Variants in SLC6A5 observed in about 807,000 individuals in gnomAD.
SLC6A5 encodes the protein sodium- and chloride-dependent glycine transporter 2.
Under a neutral mutation model 90.5 loss-of-function variants are expected in SLC6A5, and 58 were observed. The ratio of observed to expected loss-of-function variants is 0.64; its 90% CI spans 0.52 to 0.80. The LOEUF (loss-of-function observed/expected upper bound fraction) is 0.80, where lower values mean the gene tolerates loss of function less well. Among genes scored for constraint, SLC6A5 ranks in the 30% least tolerant of loss-of-function variants. The pLI, the probability that SLC6A5 is intolerant of heterozygous loss-of-function variation, is 0.00. For synonymous variants in SLC6A5, 427 were observed against 401.4 expected, an observed-to-expected ratio of 1.06 and a Z score of -0.76; for missense variants, 1,015 against 1,017.6, an observed-to-expected ratio of 1.00 and a Z score of 0.03.
chr11:20,618,270 G>T (rs1852821810), intron 7 of SLC6A5, among the ~76,000 whole-genome samples: 1 of 152,104 alleles, frequency 6.6e-6, no homozygotes, highest in African/African-American at 2.4e-5. Flanking sequence ...TGGTCTGGCT[G>T]CCAAGTTAGC....
Position 20,607,027 on chromosome 11 carries a change from C to G in SLC6A5, c.700C>G (p.Leu234Val), listed in dbSNP as rs748008761. The G allele has an allele frequency of 1.2e-6, 2 of 1,614,136 alleles. No individual in the cohort carries two copies. Among genetic ancestry groups the G allele is most frequent in the East Asian group, 4.5e-5 (2 of 44,844 alleles). ...CCAAGGTGCTTTCCTCATCCCTTAC[C>G]TGATGATGCTGGCTCTGGCTGGATT... Reference protein sequence around the residue: ...NGGGAFLIPYLMMLALAGLPI... With the variant: ...NGGGAFLIPYVMMLALAGLPI... The change falls in exon 4 of 16, where the codon CTG becomes GTG. Residue 234 changes from leucine (L) to valine (V), a missense_variant. Physicochemically the swap from Leu to Val is conservative, Grantham distance 32. Around this residue, in one of 3 missense-constraint regions of SLC6A5, gnomAD observed 567 missense variants for 507.3 expected, o/e 1.12. Coordinates refer to ENST00000525748, the MANE Select transcript of SLC6A5 (RefSeq NM_004211.5).
chr11:20,645,581 C>T (rs1822015633), intron 13 of SLC6A5, among the ~76,000 whole-genome samples: 1 of 150,968 alleles, frequency 6.6e-6, no homozygotes, highest in Non-Finnish European at 1.5e-5. Context: ...TCCCTCTTGA[C>T]CTGCAGGTAC....
chr11:20,626,494 G>A (rs557745162), intron 7 of SLC6A5, among the ~76,000 whole-genome samples: 100 of 152,202 alleles, frequency 6.6e-4, no homozygotes, highest in African/African-American at 2.3e-3. Context: ...ACAGCCTTGG[G>A]TCTCTCCTAA....
chr11:20,600,619 C>G (rs751442207), intron 1 of SLC6A5, among the ~76,000 whole-genome samples: 2 of 152,154 alleles, frequency 1.3e-5, no homozygotes, highest in Non-Finnish European at 2.9e-5. Flanking sequence ...GGTTGTGGAG[C>G]GCTGGGACTC....
chr11:20,618,389 A>G (rs1287429687), intron 7 of SLC6A5, among the ~76,000 whole-genome samples: 1 of 152,002 alleles, frequency 6.6e-6, no homozygotes, highest in African/African-American at 2.4e-5. Context: ...TTTCAACTCT[A>G]AGCTTGACAC....
chr11:20,605,781 C>G (rs758451351), intron 3 of SLC6A5, among the ~76,000 whole-genome samples: 2 of 152,238 alleles, frequency 1.3e-5, no homozygotes, highest in South Asian at 4.1e-4. Flanking sequence ...CACTGCGGCT[C>G]GAGGCCCCTC....
In SLC6A5 at chr11:20,601,504, G is replaced by C. The variant is rs766298578; in HGVS notation, c.379G>C (p.Gly127Arg). The C allele has an allele frequency of 6.2e-7, 1 of 1,613,992 alleles. No individual in the cohort carries two copies. The highest frequency in any genetic ancestry group is 1.1e-5 in the South Asian group (1 of 91,052). Residue 127 changes from glycine (G) to arginine (R), a missense_variant, in exon 2 of 16, where the codon GGC becomes CGC. Gly to Arg is a moderately radical substitution (Grantham distance 125, BLOSUM62 -2). Transcript: ENST00000525748. ...ALHCKIPFLR[G>R]PEGDANVSVG... Reference sequence around the variant, plus strand: ...GCACTGTAAGATCCCTTTTCTGCGAGGCCCGGAGGGGGATGCGAACGTGAG... The same window carrying C: ...GCACTGTAAGATCCCTTTTCTGCGACGCCCGGAGGGGGATGCGAACGTGAG...
chr11:20,618,128 G>C (rs1707506213), intron 7 of SLC6A5, among the ~76,000 whole-genome samples: 1 of 88 alleles, frequency 0.011, no homozygotes, highest in African/African-American at 0.028. Context: ...AGGGATGGTG[G>C]GGGGTACTCT....
intron 15 of SLC6A5, among the ~76,000 whole-genome samples, chr11:20,653,763 A>T (rs1853583762): frequency 6.6e-6 from 1 of 152,298 alleles, no homozygotes; most frequent in Non-Finnish European, 1.5e-5. Flanking sequence ...CTTCTGCCGC[A>T]CATAAGCCTC....
At chr11:20,631,604 T>C (rs1306922390) in intron 10 of SLC6A5, among the ~76,000 whole-genome samples, 5 of 152,208 alleles carry the variant, frequency 3.3e-5, no homozygotes, top group Admixed American at 3.3e-4. Flanking sequence ...GTATATTTAG[T>C]AGGTTTCAGT....
chr11:20,658,250 C>T lies in SLC6A5; in HGVS notation c.*3382C>T, dbSNP rs1463812318. On this transcript the variant is annotated 3_prime_UTR_variant, in exon 16 of 16. Transcript: ENST00000525748. ...ATGCCTAAAAGTAAGATTTTCTTTT[C>T]TCTTTGTTCCCTTGGCTGTAGGTCA... 2 of 152,130 alleles carry T rather than the reference C, an allele frequency of 1.3e-5. No individual in the cohort carries two copies. The highest frequency in any genetic ancestry group is 1.9e-4 in the East Asian group (1 of 5,194). The allele number at this position is 152,130 out of a possible 1,614,324, so 9.4% of individuals were successfully genotyped here.
At chr11:20,639,942 G>A (rs150414513) in intron 13 of SLC6A5, among the ~76,000 whole-genome samples, 1 of 152,296 alleles carries the variant, frequency 6.6e-6, no homozygotes, top group African/African-American at 2.4e-5. Context: ...TGATAAGACC[G>A]CCTAGATCCT....
At chr11:20,622,252 C>A (rs1156246270) in intron 7 of SLC6A5, among the ~76,000 whole-genome samples, 5 of 152,190 alleles carry the variant, frequency 3.3e-5, no homozygotes, top group Non-Finnish European at 7.3e-5. Flanking sequence ...GATTTATAAA[C>A]CAAACTGTTG....
chr11:20,654,799 C>A lies in SLC6A5; in HGVS notation c.2325C>A (p.Asp775Glu), dbSNP rs1200734060. The A allele has an allele frequency of 1.4e-5, 22 of 1,614,044 alleles. No individual in the cohort carries two copies. The highest frequency in any genetic ancestry group is 1.5e-5 in the Non-Finnish European group (18 of 1,180,020). The part of the protein sequence containing the change: ...HRGERYKNMI[D>E]PLGTSSLGLK... ...GGGAGCGTTACAAGAACATGATCGA[C>A]CCCTTGGGAACCTCTTCCTTGGGAC... Residue 775 changes from aspartate (D) to glutamate (E), a missense_variant, in exon 16 of 16, where the codon GAC becomes GAA. Transcript: ENST00000525748.
chr11:20,604,328 T>C lies in SLC6A5; in HGVS notation c.583T>C (p.Ser195Pro), dbSNP rs756399367. The C allele has an allele frequency of 1.9e-6, 3 of 1,613,828 alleles. No individual in the cohort carries two copies. The South Asian group carries it at 3.3e-5, about 18-fold the overall frequency. The part of the protein sequence containing the change: ...GDENKARGNW[S>P]SKLDFILSMV... ...TGAGAATAAGGCCCGAGGGAACTGG[T>C]CCAGCAAACTGGACTTCATCCTGTC... Residue 195 changes from serine (S) to proline (P), a missense_variant, in exon 3 of 16, where the codon TCC (serine) becomes CCC (proline). Ser to Pro is a moderately conservative substitution (Grantham distance 74, BLOSUM62 -1). Around this residue, in one of 3 missense-constraint regions of SLC6A5, gnomAD observed 567 missense variants for 507.3 expected, o/e 1.12. Transcript: ENST00000525748.
At chr11:20,607,733 G>T in intron 5 of SLC6A5, 81 bp downstream of exon 5, 1 of 1,106,174 alleles carries the variant, frequency 9.0e-7, no homozygotes, top group Non-Finnish European at 1.4e-6. Flanking sequence ...CATATATTAT[G>T]CATGCTAGGA....
intron 7 of SLC6A5, among the ~76,000 whole-genome samples, chr11:20,621,585 T>C (rs1433508603): frequency 6.6e-6 from 1 of 152,204 alleles, no homozygotes; most frequent in Admixed American, 6.5e-5. Context: ...CTACCAGAAA[T>C]AATGAATCAC....
chr11:20,601,496 T>C lies in SLC6A5; in HGVS notation c.371T>C (p.Phe124Ser), dbSNP rs1443548. 1,237,430 of 1,613,190 alleles carry C rather than the reference T, an allele frequency of 0.77. 475,594 individuals are homozygous for C. The highest frequency in any genetic ancestry group is 0.88 in the African/African-American group (65,824 of 75,018). Residue 124 changes from phenylalanine (F) to serine (S), a missense_variant, in exon 2 of 16, where the codon TTT becomes TCT. Transcript: ENST00000525748. ...PGNALHCKIPFLRGPEGDANV... is the reference protein window; with the variant it reads ...PGNALHCKIPSLRGPEGDANV... ...AACGCGCTGCACTGTAAGATCCCTT[T>C]TCTGCGAGGCCCGGAGGGGGATGCG...
At chr11:20,617,691 C>T (rs944998115) in intron 6 of SLC6A5, 61 bp from the exon 7 acceptor site, 15 of 1,503,736 alleles carry the variant, frequency 1.0e-5, no homozygotes, top group Non-Finnish European at 1.3e-5. Context: ...AAGCCTACTG[C>T]CTGTCACCTC....
Sources: gnomAD v4.1 joint callset for allele counts (sites outside exome capture counted in the v4.1 genomes callset) on GRCh38, gnomAD v4.1.1 for gene constraint, gnomAD v4.1.1 regional missense constraint, MANE v1.5 for transcripts, NCBI Gene and HGNC (gene_info 2026-07-23, HGNC 2026-07-21) for gene names.